MUC7: variants seen among roughly 807,000 people sequenced by gnomAD.
The protein encoded by MUC7 is mucin 7, secreted.
MUC7 carries 2 observed loss-of-function variants against 2.5 expected under a neutral mutation model. That is an observed-to-expected ratio of 0.81 (90% CI 0.33 to 2.55). The LOEUF is 2.55. MUC7 is among the 30% of genes most tolerant of loss of function. The pLI is 0.11. For missense variants in MUC7, 408 were observed against 455.6 expected (o/e 0.90, Z 0.95); for synonymous variants, 133 against 173.4 (o/e 0.77, Z 1.83).
At chr4:70,471,070 A>G (rs1190153781), upstream of MUC7, among the ~76,000 whole-genome samples, 1 of 152,218 alleles carries the variant, frequency 6.6e-6, no homozygotes, top group African/African-American at 2.4e-5. Context: ...GCCCTCAGAG[A>G]CTGTATGTGC....
At chr4:70,438,882 AC>A (rs1360355499) in intron 1 of MUC7, among the ~76,000 whole-genome samples, 1 of 152,220 alleles carries the variant, frequency 6.6e-6, no homozygotes, top group African/African-American at 2.4e-5. Context: ...GGACACTAAT[AC>A]AAGGTAAACA....
At chr4:70,433,859 G>A (rs1733748052) in intron 1 of MUC7, among the ~76,000 whole-genome samples, 1 of 152,146 alleles carries the variant, frequency 6.6e-6, no homozygotes, top group Admixed American at 6.5e-5. Flanking sequence ...TTGGCTGTGG[G>A]ATTGTCATAA....
chr4:70,443,263 A>T (rs72853709), intron 1 of MUC7, among the ~76,000 whole-genome samples: 3,491 of 152,006 alleles, frequency 0.023, 141 homozygotes, highest in African/African-American at 0.079. Flanking sequence ...AGACAAAAAG[A>T]TCTAGGCAAC....
chr4:70,444,645 C>T (rs909542951), intron 1 of MUC7, among the ~76,000 whole-genome samples: 1 of 152,192 alleles, frequency 6.6e-6, no homozygotes, highest in African/African-American at 2.4e-5. Flanking sequence ...ACCATATTTT[C>T]AACATCTATT....
At chr4:70,475,691 C>T (rs939899781) in intron 2 of MUC7, among the ~76,000 whole-genome samples, 19 of 152,062 alleles carry the variant, frequency 1.2e-4, no homozygotes, top group Non-Finnish European at 2.6e-4. Flanking sequence ...CCATATTTTT[C>T]TCTCATGCTA....
upstream of MUC7, among the ~76,000 whole-genome samples, chr4:70,470,428 CATAA>C (rs557786169): frequency 7.5e-4 from 114 of 152,164 alleles, no homozygotes; most frequent in African/African-American, 2.7e-3. Flanking sequence ...ATAATAAATG[CATAA>C]GTGTTACTCA....
rs1735151265 is a variant in MUC7 at position 70,480,997 on chromosome 4, C to T, written c.253C>T (p.Pro85Ser). Residue 85 changes from proline to serine, a missense_variant, in exon 3 of 3, where the codon CCA becomes TCA. This residue lies in a region of MUC7 where 225 missense variants were observed against 240.5 expected (regional missense o/e 0.94). Coordinates refer to ENST00000304887, the MANE Select transcript of MUC7 (RefSeq NM_152291.3). ...TTCACCTAATAACCCCCCCAAATTCCCAAATCCTCACCAGCCACCTAAACA... is the reference window on the plus strand; with the variant it reads ...TTCACCTAATAACCCCCCCAAATTCTCAAATCCTCACCAGCCACCTAAACA... ...PPSPNNPPKF[P>S]NPHQPPKHPD... The T allele has an allele frequency of 6.2e-7, 1 of 1,613,922 alleles. No individual in the cohort carries two copies. Among genetic ancestry groups the T allele is most frequent in the African/African-American group, 1.3e-5 (1 of 74,886 alleles).
chr4:70,456,395 C>G (rs1380502459), intron 1 of MUC7, among the ~76,000 whole-genome samples: 1 of 152,150 alleles, frequency 6.6e-6, no homozygotes, highest in Admixed American at 6.5e-5. Flanking sequence ...AGTCCATTTT[C>G]ACACTGCTAT....
At chr4:70,436,292 T>C (rs1224631120) in intron 1 of MUC7, among the ~76,000 whole-genome samples, 1 of 152,120 alleles carries the variant, frequency 6.6e-6, no homozygotes, top group East Asian at 1.9e-4. Flanking sequence ...TCCTGAAGAG[T>C]GTTTTCTAAT....
In MUC7 at chr4:70,482,228, T is replaced by C. The variant is rs1057386473; in HGVS notation, c.*350T>C. The C allele has an allele frequency of 2.2e-5, 5 of 228,090 alleles. No individual in the cohort carries two copies. The highest frequency in any genetic ancestry group is 4.3e-5 in the Non-Finnish European group (5 of 116,320). 14.1% of individuals were successfully genotyped at this position (228,090 alleles called of 1,614,324 possible). ...TAGAAACTACAAAACCACTACCTTGTACCCCCATCAAAATCCCACCTGAAC... is the reference window on the plus strand; with the variant it reads ...TAGAAACTACAAAACCACTACCTTGCACCCCCATCAAAATCCCACCTGAAC... On this transcript the variant is annotated 3_prime_UTR_variant, in exon 3 of 3. Transcript: ENST00000304887.
At chr4:70,473,903 C>T in intron 1 of MUC7, 104 bp from the exon 2 acceptor site, 2 of 775,268 alleles carry the variant, frequency 2.6e-6, no homozygotes, top group Non-Finnish European at 4.1e-6. Flanking sequence ...AACCATTGGT[C>T]TCTTTTTGCC....
chr4:70,433,433 A>G (rs1185423035), intron 1 of MUC7, among the ~76,000 whole-genome samples: 1 of 152,174 alleles, frequency 6.6e-6, no homozygotes, highest in African/African-American at 2.4e-5. Context: ...TTCTCCTTGA[A>G]GAGATCCTTC....
intron 1 of MUC7, among the ~76,000 whole-genome samples, chr4:70,450,266 A>C (rs1560548239): frequency 1.3e-5 from 2 of 152,050 alleles, no homozygotes; most frequent in Non-Finnish European, 2.9e-5. Flanking sequence ...ACAGACTACC[A>C]CCAATGTTTC....
chr4:70,439,600 T>C (rs1253246498), intron 1 of MUC7, among the ~76,000 whole-genome samples: 2 of 152,056 alleles, frequency 1.3e-5, no homozygotes, highest in African/African-American at 4.8e-5. Flanking sequence ...TATAATAATA[T>C]AATATTTATC....
chr4:70,481,702 C>A lies in MUC7; in HGVS notation c.958C>A (p.Pro320Thr). 6.2e-7 allele frequency: 1 copy of A among 1,614,184 alleles called. No homozygotes were observed. Among genetic ancestry groups the A allele is most frequent in the Non-Finnish European group, 8.5e-7 (1 of 1,180,036 alleles). Residue 320 changes from proline to threonine, a missense_variant, in exon 3 of 3, where the codon CCT becomes ACT. Physicochemically the swap from Pro to Thr is conservative, Grantham distance 38. Transcript: ENST00000304887. ...TAATTCTTCCCCAACTACTCTTGCACCTGACACTTCTGAAACTTCAGCTGC... is the reference window on the plus strand; with the variant it reads ...TAATTCTTCCCCAACTACTCTTGCAACTGACACTTCTGAAACTTCAGCTGC... Reference protein sequence around the residue: ...TPNSSPTTLAPDTSETSAAPT... With the variant: ...TPNSSPTTLATDTSETSAAPT...
chr4:70,441,356 G>C (rs1441201410), intron 1 of MUC7, among the ~76,000 whole-genome samples: 1 of 152,118 alleles, frequency 6.6e-6, no homozygotes, highest in Non-Finnish European at 1.5e-5. Flanking sequence ...AAAATGTTAG[G>C]ATGAAAATAC....
rs112205634 is a variant in MUC7, at chr4:70,434,787, A to C, written c.-93+4100A>C. On this transcript the variant is annotated intron_variant, in intron 1 of 3. Transcript: ENST00000413702. ...TTGCTCTTGCTTCTCTAGTTCTTTT[A>C]ATTGTGATGTGAGGGTGTCGATTTT... Among the ~76,000 whole-genome samples, 1,481 of 152,008 alleles carry C rather than the reference A, an allele frequency of 9.7e-3. 27 individuals carry two copies. Among genetic ancestry groups the C allele is most frequent in the African/African-American group, 0.034 (1,408 of 41,466 alleles).
intron 1 of MUC7, among the ~76,000 whole-genome samples, chr4:70,452,861 C>T (rs1158835161): frequency 6.6e-6 from 1 of 152,144 alleles, no homozygotes; most frequent in Non-Finnish European, 1.5e-5. Context: ...TTTAGCATTT[C>T]TTGTAAGACA....
At chr4:70,457,286 A>G (rs534915538) in intron 1 of MUC7, among the ~76,000 whole-genome samples, 1 of 152,208 alleles carries the variant, frequency 6.6e-6, no homozygotes, top group African/African-American at 2.4e-5. Flanking sequence ...GCTACATACA[A>G]TTTTTTTAAA....
Sources: gnomAD v4.1 joint callset for allele counts (sites outside exome capture counted in the v4.1 genomes callset) on GRCh38, gnomAD v4.1.1 for gene constraint, gnomAD v4.1.1 regional missense constraint, MANE v1.5 for transcripts, NCBI Gene and HGNC (gene_info 2026-07-23, HGNC 2026-07-21) for gene names.